GRM1: variants seen among roughly 807,000 people sequenced by gnomAD.
The protein encoded by GRM1 is glutamate metabotropic receptor 1.
Under a neutral mutation model 90.9 loss-of-function variants are expected in GRM1, and 33 were observed. That is an observed-to-expected ratio of 0.36 (90% CI 0.28 to 0.49). GRM1 has a LOEUF of 0.49. GRM1 is among the 20% of genes least tolerant of loss of function. The pLI is 0.99. For synonymous variants in GRM1, 700 were observed against 613.2 expected (o/e 1.14, Z -2.09); for missense variants, 1,190 against 1,534.3 (o/e 0.78, Z 3.75).
chr6:146,159,604 T>TTCTCTCTCTCTCTCTCTC lies in GRM1; in HGVS notation c.950+28_950+45dup. ...AGTTCTCACTCATTGGAAGGTAAGT[T>TTCTCTCTCTCTCTCTCTC]TCTCTCTCTCTCTCTCTCTCTCTCT... On this transcript the variant is annotated splice_region_variant and intron_variant, in intron 2 of 7. Transcript: ENST00000282753. The TTCTCTCTCTCTCTCTCTC allele has an allele frequency of 8.3e-7, 1 of 1,210,220 alleles. No individual in the cohort carries two copies. The highest frequency in any genetic ancestry group is 2.5e-5 in the East Asian group (1 of 40,286). The allele number at this position is 1,210,220 out of a possible 1,614,324, so 75.0% of individuals were successfully genotyped here.
intron 7 of GRM1, among the ~76,000 whole-genome samples, chr6:146,424,325 G>A (rs1778117638): frequency 6.6e-6 from 1 of 152,156 alleles, no homozygotes; most frequent in Admixed American, 6.5e-5. Context: ...GATCTTGTCG[G>A]GACTTATGCC....
At chr6:146,356,281 A>G (rs1265696885) in intron 4 of GRM1, among the ~76,000 whole-genome samples, 1 of 152,212 alleles carries the variant, frequency 6.6e-6, no homozygotes, top group African/African-American at 2.4e-5. Context: ...TGTATGGTTC[A>G]TAAATAACAG....
chr6:146,345,638 GC>G (rs1376056649), intron 3 of GRM1, among the ~76,000 whole-genome samples: 1 of 152,212 alleles, frequency 6.6e-6, no homozygotes, highest in Admixed American at 6.5e-5. Flanking sequence ...AAACTTTGAA[GC>G]TTTCTTACAT....
intron 2 of GRM1, among the ~76,000 whole-genome samples, chr6:146,288,130 G>C (rs1040838998): frequency 6.6e-6 from 1 of 152,200 alleles, no homozygotes; most frequent in Non-Finnish European, 1.5e-5. Context: ...AAATGGCTTA[G>C]ATTGTCTTGA....
intron 1 of GRM1, among the ~76,000 whole-genome samples, chr6:146,107,421 A>G (rs1775353274): frequency 6.6e-6 from 1 of 152,022 alleles, no homozygotes; most frequent in Non-Finnish European, 1.5e-5. Context: ...CAGACACTGA[A>G]AAACAGCCAC....
At chr6:146,218,545 A>G (rs2114668734) in intron 2 of GRM1, among the ~76,000 whole-genome samples, 1 of 152,332 alleles carries the variant, frequency 6.6e-6, no homozygotes, top group East Asian at 1.9e-4. Flanking sequence ...TGCTTGCAAG[A>G]TTCTGACAAA....
chr6:146,028,267 G>GTGTA (rs1451309863), upstream of GRM1, among the ~76,000 whole-genome samples: 4 of 143,136 alleles, frequency 2.8e-5, no homozygotes, highest in African/African-American at 1.1e-4. Flanking sequence ...GTGTGTGTGT[G>GTGTA]TGTGTGTGTG....
chr6:146,292,277 GA>G (rs1215743218), intron 2 of GRM1, among the ~76,000 whole-genome samples: 2 of 151,628 alleles, frequency 1.3e-5, no homozygotes, highest in Non-Finnish European at 3.0e-5. Flanking sequence ...ACCAATGAAA[GA>G]AAAAATAGAT....
chr6:146,220,909 G>A (rs140258927), intron 2 of GRM1, among the ~76,000 whole-genome samples: 55 of 152,152 alleles, frequency 3.6e-4, no homozygotes, highest in African/African-American at 1.3e-3. Flanking sequence ...AAGTGTTATA[G>A]GAAGAAGAAA....
intron 1 of GRM1, among the ~76,000 whole-genome samples, chr6:146,067,784 G>C (rs756088921): frequency 6.6e-6 from 1 of 152,080 alleles, no homozygotes; most frequent in Admixed American, 6.6e-5. Flanking sequence ...CTTTGAAAGA[G>C]AATTCCTCAA....
Position 146,029,254 on chromosome 6 carries a change from G to C in GRM1, c.-264G>C. The C allele has an allele frequency of 1.9e-6, 1 of 533,574 alleles. No individual in the cohort carries two copies. The highest frequency in any genetic ancestry group is 3.4e-6 in the Non-Finnish European group (1 of 295,286). 33.1% of individuals were successfully genotyped at this position (533,574 alleles called of 1,614,324 possible). ...ACTGTACTCTTGATCAATTTACCTTGATGCACTACCGGTGAAGAACGGGGA... is the reference window on the plus strand; with the variant it reads ...ACTGTACTCTTGATCAATTTACCTTCATGCACTACCGGTGAAGAACGGGGA... On this transcript the variant is annotated 5_prime_UTR_variant, in exon 1 of 8. Coordinates refer to ENST00000282753, the MANE Select transcript of GRM1 (RefSeq NM_001278064.2).
intron 5 of GRM1, among the ~76,000 whole-genome samples, chr6:146,360,202 T>G (rs362846): frequency 0.2 from 29,710 of 151,950 alleles, 3,792 homozygotes; most frequent in African/African-American, 0.37. Context: ...CAAATCCATT[T>G]AAACTGCTAA....
intron 3 of GRM1, among the ~76,000 whole-genome samples, chr6:146,319,788 T>C (rs1248065514): frequency 1.3e-5 from 2 of 152,318 alleles, no homozygotes; most frequent in Middle Eastern, 3.4e-3. Flanking sequence ...TGTATAGTAA[T>C]GCTTGTGATT....
intron 2 of GRM1, among the ~76,000 whole-genome samples, chr6:146,226,757 C>A (rs1380075739): frequency 6.6e-6 from 1 of 152,082 alleles, no homozygotes; most frequent in Non-Finnish European, 1.5e-5. Flanking sequence ...GTTAAAAATG[C>A]TCTAATGGAC....
intron 2 of GRM1, among the ~76,000 whole-genome samples, chr6:146,255,978 T>C (rs1463857634): frequency 6.6e-6 from 1 of 152,170 alleles, no homozygotes; most frequent in Non-Finnish European, 1.5e-5. Flanking sequence ...ACTATTCTGG[T>C]GCTTTGACTC....
intron 1 of GRM1, among the ~76,000 whole-genome samples, chr6:146,153,435 T>C (rs1161030126): frequency 6.6e-6 from 1 of 152,222 alleles, no homozygotes; most frequent in Non-Finnish European, 1.5e-5. Context: ...AAAGGACAAG[T>C]TCTTTCTACA....
At chr6:146,280,545 C>T (rs1782530133) in intron 2 of GRM1, among the ~76,000 whole-genome samples, 1 of 152,126 alleles carries the variant, frequency 6.6e-6, no homozygotes, top group Admixed American at 6.5e-5. Flanking sequence ...TATAATTTTT[C>T]TTACCTGAAC....
chr6:146,055,308 C>T (rs980746501), intron 1 of GRM1, among the ~76,000 whole-genome samples: 9 of 151,988 alleles, frequency 5.9e-5, no homozygotes, highest in Non-Finnish European at 8.8e-5. Flanking sequence ...GTGGCCCAAC[C>T]TCTAGCATGG....
chr6:146,348,298 G>C (rs760860720), intron 3 of GRM1, among the ~76,000 whole-genome samples: 27 of 152,186 alleles, frequency 1.8e-4, no homozygotes, highest in South Asian at 4.1e-4. Context: ...GCCTATAATA[G>C]ATTTTGTTTG....
Sources: gnomAD v4.1 joint callset for allele counts (sites outside exome capture counted in the v4.1 genomes callset) on GRCh38, gnomAD v4.1.1 for gene constraint, MANE v1.5 for transcripts, NCBI Gene and HGNC (gene_info 2026-07-23, HGNC 2026-07-21) for gene names.